Variants in NAAA observed in about 807,000 individuals in gnomAD.
NAAA encodes the protein N-acylethanolamine acid amidase.
In NAAA, 39 loss-of-function variants were observed where a neutral mutation model predicts 44.8. The ratio of observed to expected loss-of-function variants is 0.87; its 90% confidence interval spans 0.67 to 1.14. NAAA has a LOEUF of 1.14. Among genes scored for constraint, NAAA ranks in the 50% most tolerant of loss-of-function variants. NAAA has a pLI of 0.00. For missense variants in NAAA, 460 were observed against 467.8 expected (o/e 0.98, Z 0.15); for synonymous variants, 178 against 191.3 (o/e 0.93, Z 0.58).
chr4:75,938,010 G>T (rs1727886203), intron 2 of NAAA, among the ~76,000 whole-genome samples: 1 of 152,194 alleles, frequency 6.6e-6, no homozygotes, highest in Non-Finnish European at 1.5e-5. Context: ...GCTTTGAAAG[G>T]CACTGCAGCG....
rs1725434606 is a variant in NAAA at position 75,913,838 on chromosome 4, A to C, written c.*537T>G. 1.0e-6 allele frequency: 1 copy of C among 985,230 alleles called. No homozygotes were observed. Among genetic ancestry groups the C allele is most frequent in the Non-Finnish European group, 1.2e-6 (1 of 829,838 alleles). 61.0% of individuals were successfully genotyped at this position (985,230 alleles called of 1,614,324 possible). ...AATAAAACGTTAGAAACATTATAAAAAACGAGACTCCCATTACATGGAAAC... is the reference window on the plus strand; with the variant it reads ...AATAAAACGTTAGAAACATTATAAACAACGAGACTCCCATTACATGGAAAC... On this transcript the variant is annotated 3_prime_UTR_variant, in exon 11 of 11. Coordinates refer to ENST00000286733, the MANE Select transcript of NAAA (RefSeq NM_014435.4).
intron 2 of NAAA, among the ~76,000 whole-genome samples, chr4:75,939,134 T>C (rs1727991125): frequency 6.6e-6 from 1 of 152,082 alleles, no homozygotes; most frequent in Non-Finnish European, 1.5e-5. Context: ...ATTACAGGCG[T>C]GAGCCACCGC....
intron 1 of NAAA, 96 bp from the exon 2 acceptor site, chr4:75,940,261 G>T: frequency 7.4e-7 from 1 of 1,347,794 alleles, no homozygotes; most frequent in Non-Finnish European, 1.0e-6. Context: ...CTTAGGGCGT[G>T]AGGTCTCAGG....
intron 9 of NAAA, 122 bp downstream of exon 9, chr4:75,918,639 A>T (rs1055920972): frequency 3.1e-6 from 3 of 982,362 alleles, no homozygotes; most frequent in African/African-American, 3.3e-5. Context: ...GAGTGCCCCC[A>T]CAGGAGTGCC....
downstream of NAAA, among the ~76,000 whole-genome samples, chr4:75,911,674 T>G (rs1193392464): frequency 6.6e-6 from 1 of 152,142 alleles, no homozygotes; most frequent in Non-Finnish European, 1.5e-5. Flanking sequence ...CTGAAAAACA[T>G]CTCAAAAGAC....
At chr4:75,936,631 C>T (rs1455141537) in intron 2 of NAAA, among the ~76,000 whole-genome samples, 1 of 152,236 alleles carries the variant, frequency 6.6e-6, no homozygotes, top group Non-Finnish European at 1.5e-5. Flanking sequence ...CCAGCTCAAG[C>T]TCACCTCTCC....
chr4:75,929,072 A>G (rs1225956245), intron 4 of NAAA, among the ~76,000 whole-genome samples: 2 of 151,922 alleles, frequency 1.3e-5, no homozygotes, highest in Non-Finnish European at 2.9e-5. Flanking sequence ...GATTACAGGC[A>G]TGATCCACCG....
chr4:75,920,645 C>T (rs1037556785), intron 7 of NAAA, 93 bp downstream of exon 7: 1 of 1,464,964 alleles, frequency 6.8e-7, no homozygotes, highest in Non-Finnish European at 9.6e-7. Flanking sequence ...GAGAGGATAG[C>T]ACCCATAGGT....
intron 9 of NAAA, among the ~76,000 whole-genome samples, chr4:75,915,521 T>C (rs79513689): frequency 0.064 from 9,761 of 151,876 alleles, 461 homozygotes; most frequent in African/African-American, 0.13. Flanking sequence ...CCCTGTGCTC[T>C]CTCTCAGTGG....
chr4:75,925,836 T>C (rs1288971462), intron 4 of NAAA, 25 bp from the exon 5 acceptor site: 2 of 1,602,920 alleles, frequency 1.2e-6, no homozygotes, highest in South Asian at 1.1e-5. Context: ...ATATATGTTA[T>C]ATATGTGTGT....
Position 75,921,096 on chromosome 4 carries a change from C to T in NAAA, c.694G>A (p.Ala232Thr), listed in dbSNP as rs1241694967. The T allele has an allele frequency of 3.8e-6, 6 of 1,583,874 alleles. No homozygotes were observed. The highest frequency in any genetic ancestry group is 1.7e-6 in the Non-Finnish European group (2 of 1,170,872). ...ATLSESENFE[A>T]AVGKLAKTPL... ...GTCTTGGCCAACTTGCCAACAGCTGCTTCGAAGTTTTCCGACTCACTCAGG... is the reference window on the plus strand; with the variant it reads ...GTCTTGGCCAACTTGCCAACAGCTGTTTCGAAGTTTTCCGACTCACTCAGG... Residue 232 changes from alanine (A) to threonine (T), a missense_variant, in exon 6 of 11, where the codon GCA becomes ACA. Coordinates refer to ENST00000286733, the MANE Select transcript of NAAA (RefSeq NM_014435.4).
At chr4:75,920,642 T>C in intron 7 of NAAA, 96 bp downstream of exon 7, 4 of 1,446,744 alleles carry the variant, frequency 2.8e-6, no homozygotes, top group Non-Finnish European at 3.9e-6. Flanking sequence ...TGGGAGAGGA[T>C]AGCACCCATA....
At chr4:75,939,156 A>T (rs1004552043) in intron 2 of NAAA, among the ~76,000 whole-genome samples, 5 of 151,836 alleles carry the variant, frequency 3.3e-5, no homozygotes, top group African/African-American at 1.2e-4. Context: ...CCCAGCCTGG[A>T]TGCACATTTT....
intron 9 of NAAA, chr4:75,917,026 C>T (rs1453630197): frequency 4.1e-6 from 3 of 729,864 alleles, no homozygotes; most frequent in Non-Finnish European, 5.0e-6. Flanking sequence ...GTGATCCACC[C>T]GCCTCGGCTT....
intron 5 of NAAA, among the ~76,000 whole-genome samples, chr4:75,922,792 G>A (rs1726295346): frequency 6.6e-6 from 1 of 152,186 alleles, no homozygotes; most frequent in African/African-American, 2.4e-5. Flanking sequence ...CCTTTGCAGA[G>A]GTAATAGGAG....
intron 2 of NAAA, among the ~76,000 whole-genome samples, chr4:75,937,935 G>T (rs1343107126): frequency 1.3e-5 from 2 of 152,228 alleles, no homozygotes; most frequent in African/African-American, 4.8e-5. Context: ...TCCATCTCAG[G>T]CCCAAATGTT....
Position 75,936,368 on chromosome 4 carries a change from T to G in NAAA, c.372-133A>C, listed in dbSNP as rs952723196. 9 of 953,344 alleles carry G rather than the reference T, an allele frequency of 9.4e-6. No homozygotes were observed. In the African/African-American group the frequency reaches 1.3e-4, roughly 14 times the overall value. 59.1% of individuals were successfully genotyped at this position (953,344 alleles called of 1,614,324 possible). ...CTTATAACTGATATATGTGCTATAA[T>G]GCTTGTATAAGAATATAGATTAACA... is the stretch of plus-strand genomic sequence containing the variant. On this transcript the variant is annotated intron_variant, in intron 2 of 10. Transcript: ENST00000286733.
chr4:75,914,455 A>G, intron 10 of NAAA, 117 bp from the exon 11 acceptor site: 1 of 336,048 alleles, frequency 3.0e-6, no homozygotes, highest in Non-Finnish European at 4.2e-6. Flanking sequence ...GCTCACTACA[A>G]ACTCCACCTC....
Position 75,936,385 on chromosome 4 carries a change from A to G in NAAA, c.372-150T>C, listed in dbSNP as rs151056466. 5.4e-5 allele frequency: 47 copies of G among 866,760 alleles called. 1 individual carries two copies. The East Asian group carries it at 1.2e-3, about 23-fold the overall frequency. The allele number at this position is 866,760 out of a possible 1,614,324, so 53.7% of individuals were successfully genotyped here. A position where few individuals can be genotyped will look rare whatever the true frequency, so the allele number is the denominator to read the frequency against. ...TGCTATAATGCTTGTATAAGAATAT[A>G]GATTAACAATTCAAGATGAAAAACA... On this transcript the variant is annotated intron_variant, in intron 2 of 10. Transcript: ENST00000286733.
Sources: gnomAD v4.1 joint callset for allele counts (sites outside exome capture counted in the v4.1 genomes callset) on GRCh38, gnomAD v4.1.1 for gene constraint, MANE v1.5 for transcripts, NCBI Gene and HGNC (gene_info 2026-07-23, HGNC 2026-07-21) for gene names.